The following KMT5B variants were observed in gnomAD, a reference collection of about 807,000 sequenced individuals.
The protein encoded by KMT5B is lysine methyltransferase 5B.
A neutral mutation model predicts 83.2 loss-of-function variants in KMT5B; 10 were observed. That is an observed-to-expected ratio of 0.12 (90% CI 0.07 to 0.20). The LOEUF (loss-of-function observed/expected upper bound fraction) is 0.20, where lower values mean the gene tolerates loss of function less well. KMT5B is among the 10% of genes least tolerant of loss of function. The pLI is 1.00. For missense variants in KMT5B, 753 were observed against 1,067.2 expected (o/e 0.71, Z 4.10); for synonymous variants, 349 against 388.8 (o/e 0.90, Z 1.20).
intron 6 of KMT5B, among the ~76,000 whole-genome samples, chr11:68,172,093 G>A (rs935582354): frequency 6.6e-6 from 1 of 152,134 alleles, no homozygotes; most frequent in African/African-American, 2.4e-5. Flanking sequence ...AGGGTTATGA[G>A]GATCCGGAAT....
chr11:68,158,179 G>A lies in KMT5B; in HGVS notation c.2167C>T (p.Arg723Cys), dbSNP rs1426230746. Residue 723 changes from arginine to cysteine, a missense_variant, in exon 11 of 11, where the codon CGT (arginine) becomes TGT (cysteine). Transcript: ENST00000304363. ...SGIPKLTLRRRHDSSSKTNDQ... is the reference protein window; with the variant it reads ...SGIPKLTLRRCHDSSSKTNDQ... The stretch of plus-strand genomic sequence containing the variant: ...TTTGTTTTGCTGCTGCTATCATGAC[G>A]CCTACGAAGAGTCAATTTGGGAATC... 1 of 1,614,050 alleles carries A rather than the reference G, an allele frequency of 6.2e-7. No homozygotes were observed. Among genetic ancestry groups the A allele is most frequent in the Non-Finnish European group, 8.5e-7 (1 of 1,180,020 alleles).
At chr11:68,199,902 G>A (rs75585189) in intron 1 of KMT5B, among the ~76,000 whole-genome samples, 7,720 of 152,260 alleles carry the variant, frequency 0.051, 212 homozygotes, top group African/African-American at 0.06. Flanking sequence ...TGCAAATGAA[G>A]AATGGAATTA....
At chr11:68,186,418 AT>A (rs938037902) in intron 2 of KMT5B, among the ~76,000 whole-genome samples, 4 of 152,230 alleles carry the variant, frequency 2.6e-5, no homozygotes, top group Non-Finnish European at 4.4e-5. Context: ...GGGCAGGTGA[AT>A]GATTATTATC....
chr11:68,197,007 T>C (rs553719110), intron 1 of KMT5B, among the ~76,000 whole-genome samples: 4 of 151,848 alleles, frequency 2.6e-5, no homozygotes, highest in African/African-American at 9.6e-5. Context: ...AGTCTCGCAC[T>C]GTCCCCAAGT....
intron 1 of KMT5B, among the ~76,000 whole-genome samples, chr11:68,212,202 A>T (rs1861001756): frequency 6.6e-6 from 1 of 152,244 alleles, no homozygotes; most frequent in Admixed American, 6.5e-5. Context: ...TCAGACCTGT[A>T]TGGCCATCCT....
At position 68,158,419 on chromosome 11, in the gene KMT5B, GTACCGC is replaced by G; in HGVS notation, c.1921_1926del (p.Ala641_Val642del). 1 of 1,614,068 alleles carries G rather than the reference GTACCGC, an allele frequency of 6.2e-7. No individual in the cohort carries two copies. Among genetic ancestry groups the G allele is most frequent in the Non-Finnish European group, 8.5e-7 (1 of 1,179,980 alleles). On this transcript the variant is annotated inframe_deletion, in exon 11 of 11. Transcript: ENST00000304363. ...TCAGAATGGGGACCCATCAAATCTG[GTACCGC>G]GTCGTCTTTTCCAGGAGAATCGTGC...
At chr11:68,202,370 G>T (rs1017330951) in intron 1 of KMT5B, among the ~76,000 whole-genome samples, 6 of 152,100 alleles carry the variant, frequency 3.9e-5, no homozygotes, top group African/African-American at 1.4e-4. Flanking sequence ...CTTTGCACTT[G>T]GGGTGCCGCC....
chr11:68,166,604 G>A (rs1395539576), intron 10 of KMT5B: 1 of 1,014,038 alleles, frequency 9.9e-7, no homozygotes, highest in Non-Finnish European at 1.2e-6. Flanking sequence ...AACTGGCTAG[G>A]CACTGGAATG....
chr11:68,163,355 CAG>C (rs1002743285), intron 10 of KMT5B, among the ~76,000 whole-genome samples: 5 of 152,202 alleles, frequency 3.3e-5, no homozygotes, highest in African/African-American at 1.2e-4. Context: ...TGGTGAATGG[CAG>C]AGATGGGACT....
intron 3 of KMT5B, among the ~76,000 whole-genome samples, chr11:68,184,609 C>T (rs959357387): frequency 6.6e-6 from 1 of 152,182 alleles, no homozygotes; most frequent in Non-Finnish European, 1.5e-5. Flanking sequence ...TCAAGTTCCC[C>T]CAGGGTTGCC....
intron 4 of KMT5B, among the ~76,000 whole-genome samples, chr11:68,176,888 ATG>A (rs1856440999): frequency 6.6e-6 from 1 of 152,322 alleles, no homozygotes; most frequent in Non-Finnish European, 1.5e-5. Context: ...AAAAATCTTT[ATG>A]TGTCTTACTC....
intron 1 of KMT5B, among the ~76,000 whole-genome samples, chr11:68,199,436 G>A (rs1264102529): frequency 2.0e-5 from 3 of 152,128 alleles, no homozygotes; most frequent in African/African-American, 7.2e-5. Flanking sequence ...ACAAAGGGAA[G>A]GGCAAACACA....
chr11:68,197,265 G>A (rs1353731811), intron 1 of KMT5B, among the ~76,000 whole-genome samples: 3 of 152,080 alleles, frequency 2.0e-5, no homozygotes, highest in Non-Finnish European at 2.9e-5. Context: ...GAGCCACCAC[G>A]CCCGGCCATG....
chr11:68,197,694 T>C (rs1350670358), intron 1 of KMT5B, among the ~76,000 whole-genome samples: 1 of 152,174 alleles, frequency 6.6e-6, no homozygotes, highest in East Asian at 1.9e-4. Context: ...TCAACTGATA[T>C]TATTTGAACT....
intron 9 of KMT5B, 48 bp from the exon 10 acceptor site, chr11:68,167,226 A>G (rs776960013): frequency 3.2e-6 from 5 of 1,548,678 alleles, no homozygotes; most frequent in Non-Finnish European, 3.5e-6. Flanking sequence ...ACACTTTCTT[A>G]TAATAAGCTT....
At chr11:68,213,415 C>G (rs1156550991), upstream of KMT5B, 1 of 145,966 alleles carries the variant, frequency 6.9e-6, no homozygotes, top group Non-Finnish European at 1.5e-5. Flanking sequence ...CCCCCGCGCC[C>G]CCGGCCTCGG....
intron 2 of KMT5B, among the ~76,000 whole-genome samples, chr11:68,187,769 T>C (rs1219618114): frequency 3.3e-5 from 5 of 152,200 alleles, no homozygotes; most frequent in Admixed American, 2.6e-4. Context: ...TGTTGATTTT[T>C]CCCTTCAATT....
intron 10 of KMT5B, among the ~76,000 whole-genome samples, chr11:68,161,778 C>CT (rs1035051553): frequency 1.1e-4 from 17 of 152,276 alleles, no homozygotes; most frequent in African/African-American, 4.1e-4. Flanking sequence ...TTAGACTGTT[C>CT]TTCTTCAGGT....
At chr11:68,168,036 C>T (rs1415560550) in intron 9 of KMT5B, among the ~76,000 whole-genome samples, 1 of 151,990 alleles carries the variant, frequency 6.6e-6, no homozygotes, top group Non-Finnish European at 1.5e-5. Context: ...ATTAGCCCGG[C>T]GTGATGGCAG....
Sources: allele counts gnomAD v4.1 joint callset (sites outside exome capture counted in the v4.1 genomes callset), GRCh38; gene constraint gnomAD v4.1.1; transcripts MANE v1.5; gene names NCBI Gene and HGNC (gene_info 2026-07-23, HGNC 2026-07-21).